The following ABR variants were observed in gnomAD, a reference collection of about 807,000 sequenced individuals.
The protein encoded by ABR is ABR activator of RhoGEF and GTPase.
Under a neutral mutation model 107.2 loss-of-function variants are expected in ABR, and 35 were observed. That is an observed-to-expected ratio of 0.33 (90% CI 0.25 to 0.43). The LOEUF is 0.43. Ranked by LOEUF, ABR falls within the 20% of genes least tolerant of loss-of-function variation. The pLI, the probability that ABR is intolerant of heterozygous loss-of-function variation, is 1.00. For synonymous variants in ABR, 498 were observed against 462.0 expected, an observed-to-expected ratio of 1.08 and a Z score of -1.00; for missense variants, 815 against 1,115.2, an observed-to-expected ratio of 0.73 and a Z score of 3.83.
rs529803011 is a variant in ABR at position 1,124,895 on chromosome 17, C to A, written c.246+288G>T. Among the ~76,000 whole-genome samples the A allele has an allele frequency of 1.5e-3, 233 of 152,212 alleles. 2 individuals carry two copies. Among genetic ancestry groups the A allele is most frequent in the Non-Finnish European group, 3.0e-3 (201 of 68,022 alleles). Reference sequence around the variant, plus strand: ...GGGTCCTCTGGAGGAGACAGGCTAACAGGGGAAAGCTGAAAGAGGCACGGA... The same window carrying A: ...GGGTCCTCTGGAGGAGACAGGCTAAAAGGGGAAAGCTGAAAGAGGCACGGA... On this transcript the variant is annotated intron_variant, in intron 2 of 22. Coordinates refer to ENST00000302538, the MANE Select transcript of ABR (RefSeq NM_021962.5).
chr17:1,135,304 C>A lies in ABR; in HGVS notation c.62-9937G>T, dbSNP rs544411724. Among the ~76,000 whole-genome samples the A allele has an allele frequency of 3.9e-5, 6 of 152,266 alleles. No individual in the cohort carries two copies. The East Asian group carries it at 1.2e-3, about 29-fold the overall frequency. On this transcript the variant is annotated intron_variant, in intron 1 of 22. Transcript: ENST00000302538. ...GAGGATGGGTGACCTGGCCCATGAT[C>A]CTCTGCAGGCTCTTGCCGGCCACAT... is the stretch of plus-strand genomic sequence containing the variant.
Position 1,155,701 on chromosome 17 carries a change from C to A in ABR, c.61+23966G>T, listed in dbSNP as rs182573291. Among the ~76,000 whole-genome samples the A allele has an allele frequency of 9.1e-3, 1,384 of 152,254 alleles. 18 individuals carry two copies. Among genetic ancestry groups the A allele is most frequent in the African/African-American group, 0.032 (1,327 of 41,526 alleles). ...GACATCTAGGCCGGCCGCAGTGGCT[C>A]ACACCTGCAATCCCAGCACTTTGGG... is the stretch of plus-strand genomic sequence containing the variant. On this transcript the variant is annotated intron_variant, in intron 1 of 22. Coordinates refer to ENST00000302538, the MANE Select transcript of ABR (RefSeq NM_021962.5).
chr17:1,176,291 A>C (rs2151616822), intron 1 of ABR, among the ~76,000 whole-genome samples: 1 of 152,186 alleles, frequency 6.6e-6, no homozygotes, highest in South Asian at 2.1e-4. Flanking sequence ...ACCCTGCTGG[A>C]CCGTTTCAGG....
chr17:1,155,736 C>G (rs1270417231), intron 1 of ABR, among the ~76,000 whole-genome samples: 2 of 151,876 alleles, frequency 1.3e-5, no homozygotes, highest in Admixed American at 1.3e-4. Context: ...GAGGCCGAGG[C>G]GGGCAGATCA....
chr17:1,140,930 C>T (rs375875458), intron 1 of ABR, among the ~76,000 whole-genome samples: 2 of 151,834 alleles, frequency 1.3e-5, no homozygotes, highest in South Asian at 4.2e-4. Context: ...GCTGAGATCG[C>T]ACCACAGCAC....
chr17:1,166,988 G>T (rs1423601215), intron 1 of ABR, among the ~76,000 whole-genome samples: 2 of 152,130 alleles, frequency 1.3e-5, no homozygotes, highest in Non-Finnish European at 2.9e-5. Flanking sequence ...GGGTGACAGA[G>T]CCAGACTCTG....
Position 1,025,119 on chromosome 17 carries a change from C to CAAAAAAAAAAAAA in ABR, c.1792-11968_1792-11956dup, listed in dbSNP as rs71272843. ...CCTGGGCGACAGCGAGACTCCGTCT[C>CAAAAAAAAAAAAA]AAAAAAAAAAAAAAAAAAATACAAA... On this transcript the variant is annotated intron_variant, in intron 16 of 22. Transcript: ENST00000302538. Among the ~76,000 whole-genome samples, 360 of 37,574 alleles carry CAAAAAAAAAAAAA rather than the reference C, an allele frequency of 9.6e-3. 2 individuals carry two copies. Among genetic ancestry groups the CAAAAAAAAAAAAA allele is most frequent in the Middle Eastern group, 0.018 (1 of 56 alleles). 24.7% of individuals were successfully genotyped at this position (37,574 alleles called of 152,430 possible). A position where few individuals can be genotyped will look rare whatever the true frequency, so the allele number is the denominator to read the frequency against.
chr17:1,114,721 C>T (rs1369629120), intron 2 of ABR, among the ~76,000 whole-genome samples: 2 of 151,492 alleles, frequency 1.3e-5, no homozygotes, highest in Non-Finnish European at 2.9e-5. Flanking sequence ...TGCAGTGAGC[C>T]GAGATCGCGC....
At chr17:1,129,371 G>T (rs374056198) in intron 1 of ABR, among the ~76,000 whole-genome samples, 78,711 of 151,560 alleles carry the variant, frequency 0.52, 21,035 homozygotes, top group Middle Eastern at 0.58. Context: ...AGCCATACTG[G>T]CTACAAAAAA....
In ABR at chr17:1,067,236, G is replaced by A. The variant is rs762334976; in HGVS notation, c.1023C>T (p.His341=). The part of the protein sequence containing the change: ...AKLKKTSAGK[H]QQYDCKWYIP... ...TGTACCACTTACAGTCATACTGCTGGTGCTTCCTGCAAACGAGCCAGAGGG... is the reference window on the plus strand; with the variant it reads ...TGTACCACTTACAGTCATACTGCTGATGCTTCCTGCAAACGAGCCAGAGGG... The change falls in exon 10 of 23, where the codon CAC becomes CAT. Residue 341 remains histidine (H), a synonymous_variant. Transcript: ENST00000302538. 1.3e-6 allele frequency: 2 copies of A among 1,586,548 alleles called. No individual in the cohort carries two copies. Among genetic ancestry groups the A allele is most frequent in the South Asian group, 1.2e-5 (1 of 86,460 alleles).
intron 20 of ABR, 125 bp from the exon 21 acceptor site, chr17:1,009,909 C>T (rs2070389810): frequency 2.5e-6 from 2 of 795,250 alleles, no homozygotes; most frequent in African/African-American, 1.7e-5. Context: ...GGGAGCAGAC[C>T]CCACAGGGGA....
intron 5 of ABR, among the ~76,000 whole-genome samples, chr17:1,082,676 A>C (rs2036326599): frequency 6.6e-6 from 1 of 152,208 alleles, no homozygotes; most frequent in African/African-American, 2.4e-5. Context: ...TATAGTCCAA[A>C]TTTCCTCAAG....
intron 16 of ABR, chr17:1,031,750 G>A: frequency 1.6e-6 from 2 of 1,236,802 alleles, no homozygotes; most frequent in South Asian, 3.6e-5. Flanking sequence ...ATGCCGGGGG[G>A]GACGGGACGC....
rs756819541 is a variant in ABR, at chr17:1,058,755, C to T, written c.1295G>A (p.Arg432Gln). Residue 432 changes from arginine (R) to glutamine (Q), a missense_variant, in exon 11 of 23, where the codon CGG (arginine) becomes CAG (glutamine). Transcript: ENST00000302538. Reference protein sequence around the residue: ...SPTIPFRIHNRNGKSYLFLLS... With the variant: ...SPTIPFRIHNQNGKSYLFLLS... The stretch of plus-strand genomic sequence containing the variant: ...CCCACCCATCCTGACCTTTCCATTC[C>T]GATTGTGGATCCTGAACGGGATTGT... The T allele has an allele frequency of 4.3e-6, 7 of 1,614,012 alleles. No individual in the cohort carries two copies. Among genetic ancestry groups the T allele is most frequent in the African/African-American group, 1.3e-5 (1 of 75,002 alleles).
chr17:1,076,634 A>G (rs1033805556), intron 6 of ABR, among the ~76,000 whole-genome samples: 1 of 148,568 alleles, frequency 6.7e-6, no homozygotes, highest in Non-Finnish European at 1.5e-5. Context: ...GGTTATTAAC[A>G]TGTCTGTGGT....
intron 2 of ABR, among the ~76,000 whole-genome samples, chr17:1,116,186 C>T (rs1001527831): frequency 2.0e-5 from 3 of 152,202 alleles, no homozygotes; most frequent in Non-Finnish European, 4.4e-5. Flanking sequence ...CGCCACTGGA[C>T]TCCAGCCTGG....
intron 1 of ABR, among the ~76,000 whole-genome samples, chr17:1,219,788 G>C (rs77534545): frequency 7.5e-4 from 111 of 147,670 alleles, no homozygotes; most frequent in Middle Eastern, 3.5e-3. Context: ...TTTTAAAACT[G>C]AGGAAAGAAT....
chr17:1,078,846 AG>A lies in ABR; in HGVS notation c.700+483del. On this transcript the variant is annotated intron_variant, in intron 6 of 22. Coordinates refer to ENST00000302538, the MANE Select transcript of ABR (RefSeq NM_021962.5). The surrounding 1 kb of genome is among the most constrained non-coding windows in gnomAD (Gnocchi z 7.5). ...GCAGTTACAGCAGAAGCGAATAATGAGGAGAATCTCCATGGCAGCCTCTGTC... is the reference window on the plus strand; with the variant it reads ...GCAGTTACAGCAGAAGCGAATAATGAGAGAATCTCCATGGCAGCCTCTGTC... 1 of 1,535,590 alleles carries A rather than the reference AG, an allele frequency of 6.5e-7. No individual in the cohort carries two copies. Among genetic ancestry groups the A allele is most frequent in the Non-Finnish European group, 8.7e-7 (1 of 1,146,830 alleles).
intron 1 of ABR, among the ~76,000 whole-genome samples, chr17:1,162,232 G>A (rs758562130): frequency 4.6e-5 from 7 of 152,196 alleles, no homozygotes; most frequent in African/African-American, 9.7e-5. Flanking sequence ...GTGAACACAC[G>A]TCGCCAGCAT....
Sources: gnomAD v4.1 joint callset for allele counts (sites outside exome capture counted in the v4.1 genomes callset) on GRCh38, gnomAD v4.1.1 for gene constraint, Gnocchi (gnomAD v3.1) non-coding constraint, MANE v1.5 for transcripts, NCBI Gene and HGNC (gene_info 2026-07-23, HGNC 2026-07-21) for gene names.